The following NR2F1-AS1 variants were observed in gnomAD, a reference collection of about 807,000 sequenced individuals.
The protein encoded by NR2F1-AS1 is NR2F1 antisense RNA 1.
At chr5:93,566,842 G>A (rs1387699010) in intron 1 of NR2F1-AS1, among the ~76,000 whole-genome samples, 1 of 151,956 alleles carries the variant, frequency 6.6e-6, no homozygotes, top group Admixed American at 6.6e-5. Flanking sequence ...AAACATCTGA[G>A]TTGTCTAATA....
intron 2 of NR2F1-AS1, among the ~76,000 whole-genome samples, chr5:93,559,706 G>A (rs971565828): frequency 2.6e-5 from 4 of 152,162 alleles, no homozygotes; most frequent in African/African-American, 9.7e-5. Flanking sequence ...GGAATAGGGT[G>A]GCCCAAGGAG....
At chr5:93,575,715 A>C (rs1752880101) in intron 1 of NR2F1-AS1, among the ~76,000 whole-genome samples, 2 of 152,134 alleles carry the variant, frequency 1.3e-5, no homozygotes, top group Non-Finnish European at 2.9e-5. Flanking sequence ...TTGTGTTCTT[A>C]ATTGTTTGCT....
chr5:93,550,854 G>A (rs1261651322), intron 4 of NR2F1-AS1, among the ~76,000 whole-genome samples: 1 of 152,062 alleles, frequency 6.6e-6, no homozygotes, highest in African/African-American at 2.4e-5. Flanking sequence ...CAGGAAAAAT[G>A]AACCTGATTC....
At chr5:93,499,665 G>A (rs892765763) in intron 4 of NR2F1-AS1, among the ~76,000 whole-genome samples, 2 of 152,030 alleles carry the variant, frequency 1.3e-5, no homozygotes, top group Non-Finnish European at 2.9e-5. Context: ...ACCCTACAAT[G>A]GCCTCTAAAT....
At chr5:93,553,178 G>A (rs1054821939) in intron 4 of NR2F1-AS1, among the ~76,000 whole-genome samples, 13 of 146,778 alleles carry the variant, frequency 8.9e-5, no homozygotes, top group Admixed American at 4.9e-4. Context: ...CACCCAGGCC[G>A]GAGTGCAGTG....
chr5:93,535,666 T>C (rs1751823698), intron 4 of NR2F1-AS1, among the ~76,000 whole-genome samples: 1 of 152,046 alleles, frequency 6.6e-6, no homozygotes, highest in South Asian at 2.1e-4. Flanking sequence ...TCTGATCAGG[T>C]GGGATTCATC....
intron 4 of NR2F1-AS1, among the ~76,000 whole-genome samples, chr5:93,474,364 A>G (rs1477342091): frequency 6.6e-6 from 1 of 152,204 alleles, no homozygotes; most frequent in Admixed American, 6.5e-5. Context: ...TATACTGCCT[A>G]TAACAGTACA....
intron 4 of NR2F1-AS1, among the ~76,000 whole-genome samples, chr5:93,444,755 C>T (rs573166673): frequency 1.2e-4 from 18 of 152,336 alleles, no homozygotes; most frequent in Non-Finnish European, 1.6e-4. Context: ...ACATTCTTCT[C>T]AGCACCACAT....
chr5:93,516,077 G>A (rs1258959589), intron 4 of NR2F1-AS1, among the ~76,000 whole-genome samples: 1 of 151,902 alleles, frequency 6.6e-6, no homozygotes, highest in Non-Finnish European at 1.5e-5. Flanking sequence ...ATGAATGAAT[G>A]AAGTCTTCTC....
intron 2 of NR2F1-AS1, among the ~76,000 whole-genome samples, chr5:93,556,417 T>C (rs996412567): frequency 4.6e-5 from 7 of 152,152 alleles, no homozygotes; most frequent in Admixed American, 4.6e-4. Context: ...CTTATGTATA[T>C]AACCACTACT....
chr5:93,425,687 G>A (rs1169670167), intron 4 of NR2F1-AS1, among the ~76,000 whole-genome samples: 1 of 152,100 alleles, frequency 6.6e-6, no homozygotes, highest in Non-Finnish European at 1.5e-5. Context: ...TGTCCTTCAA[G>A]GCTCTGATCA....
At chr5:93,572,590 C>T (rs566767854) in intron 1 of NR2F1-AS1, among the ~76,000 whole-genome samples, 2 of 152,324 alleles carry the variant, frequency 1.3e-5, no homozygotes, top group East Asian at 3.9e-4. Flanking sequence ...GTGCCCCAGC[C>T]CTGCGAGCCA....
chr5:93,563,261 A>T (rs1286783062), intron 2 of NR2F1-AS1: 1 of 152,256 alleles, frequency 6.6e-6, no homozygotes, highest in Admixed American at 6.5e-5. Flanking sequence ...TAAGAAAGTG[A>T]GGTAACATAT....
intron 4 of NR2F1-AS1, among the ~76,000 whole-genome samples, chr5:93,517,219 T>C (rs1196442430): frequency 6.6e-6 from 1 of 151,984 alleles, no homozygotes; most frequent in Admixed American, 6.6e-5. Flanking sequence ...TGCTAAGTCT[T>C]TAAAGTACTA....
intron 1 of NR2F1-AS1, among the ~76,000 whole-genome samples, chr5:93,572,470 G>A (rs938437820): frequency 6.6e-6 from 1 of 152,200 alleles, no homozygotes; most frequent in Admixed American, 6.5e-5. Context: ...CTATCGGCCG[G>A]GTCACCTGTC....
intron 4 of NR2F1-AS1, among the ~76,000 whole-genome samples, chr5:93,550,509 T>C (rs1165852689): frequency 2.0e-5 from 3 of 152,238 alleles, no homozygotes; most frequent in African/African-American, 7.2e-5. Context: ...CACGCATTTT[T>C]TAAATAAGAA....
chr5:93,519,124 T>C (rs1751452295), intron 4 of NR2F1-AS1, among the ~76,000 whole-genome samples: 1 of 152,084 alleles, frequency 6.6e-6, no homozygotes, highest in Admixed American at 6.6e-5. Context: ...ATACCAGTTA[T>C]CTTTTTACTT....
chr5:93,427,405 C>G (rs1045683322), intron 4 of NR2F1-AS1, among the ~76,000 whole-genome samples: 1 of 152,220 alleles, frequency 6.6e-6, no homozygotes, highest in Non-Finnish European at 1.5e-5. Context: ...GTTCTCACAT[C>G]TCAGTGACAA....
intron 4 of NR2F1-AS1, among the ~76,000 whole-genome samples, chr5:93,546,779 C>A (rs1752098140): frequency 6.6e-6 from 1 of 152,104 alleles, no homozygotes; most frequent in Admixed American, 6.6e-5. Context: ...GGGAGAATGA[C>A]CAACTGTGAT....
Sources: allele counts gnomAD v4.1 joint callset (sites outside exome capture counted in the v4.1 genomes callset), GRCh38; gene constraint gnomAD v4.1.1; transcripts MANE v1.5; gene names NCBI Gene and HGNC (gene_info 2026-07-23, HGNC 2026-07-21).